The following C16orf74 variants were observed in gnomAD, a reference collection of about 807,000 sequenced individuals.
The protein encoded by C16orf74 is calcimembrin, also known as uncharacterized protein C16orf74.
C16orf74 carries 10 observed loss-of-function variants against 6.5 expected under a neutral mutation model. The observed-to-expected ratio is 1.54, with a 90% CI of 0.95 to 2.61. The LOEUF is 2.61. C16orf74 is among the 30% of genes most tolerant of loss of function. The probability of loss-of-function intolerance (pLI) is 0.00; values close to 1 mark genes in which losing one functional copy is unlikely to be tolerated. For synonymous variants in C16orf74, 60 were observed against 42.5 expected (o/e 1.41, Z -1.60); for missense variants, 141 against 105.9 (o/e 1.33, Z -1.45).
chr16:85,729,030 C>T (rs1423783744), intron 2 of C16orf74, among the ~76,000 whole-genome samples: 5 of 152,228 alleles, frequency 3.3e-5, no homozygotes, highest in Non-Finnish European at 7.3e-5. Context: ...TCCCGGACCC[C>T]ACTGAGAACC....
Position 85,710,321 on chromosome 16 carries a change from C to T in C16orf74, c.29-14G>A, listed in dbSNP as rs1487269012. ...ACATTTGAAAGCCTGAGAAGCCAGG[C>T]GTGGAGCACACACGCACGTACACAC... On this transcript the variant is annotated splice_polypyrimidine_tract_variant and intron_variant, in intron 2 of 3. Coordinates refer to ENST00000284245, the MANE Select transcript of C16orf74 (RefSeq NM_206967.3). The T allele has an allele frequency of 1.2e-5, 18 of 1,490,946 alleles. No homozygotes were observed. Among genetic ancestry groups the T allele is most frequent in the African/African-American group, 2.9e-5 (2 of 68,500 alleles). The allele number at this position is 1,490,946 out of a possible 1,614,324, so 92.4% of individuals were successfully genotyped here.
chr16:85,743,841 C>T (rs1006878617), intron 1 of C16orf74, among the ~76,000 whole-genome samples: 3 of 152,060 alleles, frequency 2.0e-5, no homozygotes, highest in African/African-American at 4.8e-5. Flanking sequence ...ATCACGAGAT[C>T]AGGAGATCGA....
chr16:85,726,652 C>T (rs1392500217), intron 2 of C16orf74, among the ~76,000 whole-genome samples: 1 of 152,174 alleles, frequency 6.6e-6, no homozygotes, highest in Non-Finnish European at 1.5e-5. Flanking sequence ...CATGTGATCT[C>T]CCTTCAAATG....
chr16:85,708,168 C>T (rs910718573), intron 3 of C16orf74, 102 bp from the exon 4 acceptor site: 11 of 972,374 alleles, frequency 1.1e-5, no homozygotes, highest in African/African-American at 1.6e-5. Flanking sequence ...GGATTCCTTG[C>T]TTTCTGGTGC....
intron 1 of C16orf74, chr16:85,741,576 G>C (rs1002988853): frequency 1.8e-5 from 3 of 170,344 alleles, no homozygotes; most frequent in African/African-American, 7.2e-5. Flanking sequence ...CACGTGGAGA[G>C]TTTTCACACA....
At chr16:85,715,103 G>A (rs2054010110) in intron 2 of C16orf74, among the ~76,000 whole-genome samples, 1 of 150,024 alleles carries the variant, frequency 6.7e-6, no homozygotes, top group African/African-American at 2.5e-5. Flanking sequence ...CTTGCAGTGA[G>A]CCGAGATCAC....
intron 2 of C16orf74, among the ~76,000 whole-genome samples, chr16:85,732,207 C>T (rs979123632): frequency 7.2e-5 from 11 of 152,184 alleles, no homozygotes; most frequent in African/African-American, 2.2e-4. Context: ...CCAGAAGAAA[C>T]GAGGCCCTGC....
chr16:85,721,323 G>C (rs898520956), intron 2 of C16orf74, among the ~76,000 whole-genome samples: 4 of 151,324 alleles, frequency 2.6e-5, no homozygotes, highest in African/African-American at 9.7e-5. Flanking sequence ...GTCATTCTCT[G>C]CGGTGGGGCT....
intron 1 of C16orf74, among the ~76,000 whole-genome samples, chr16:85,746,310 A>G (rs1486545088): frequency 6.6e-6 from 1 of 152,072 alleles, no homozygotes; most frequent in Non-Finnish European, 1.5e-5. Context: ...AGATCGCGCC[A>G]CTGCACTCAA....
At position 85,708,030 on chromosome 16, in the gene C16orf74, CCAT is replaced by C; in HGVS notation, c.206_208del (p.Asp69del). On this transcript the variant is annotated inframe_deletion, in exon 4 of 4. Transcript: ENST00000284245. ...TCCTCAGGCTTCTGGGTCGATTTCT[CCAT>C]CATCTGGGCACGACCCTGTCTCATC... is the stretch of plus-strand genomic sequence containing the variant. 6.4e-7 allele frequency: 1 copy of C among 1,553,534 alleles called. No individual in the cohort carries two copies. The highest frequency in any genetic ancestry group is 8.7e-7 in the Non-Finnish European group (1 of 1,147,958).
chr16:85,735,040 T>G (rs1567810104), intron 2 of C16orf74, 150 bp downstream of exon 2: 2 of 518,904 alleles, frequency 3.9e-6, no homozygotes, highest in African/African-American at 2.0e-5. Flanking sequence ...ACAAGCATTT[T>G]TAGAGCACCT....
chr16:85,708,104 GC>G, intron 3 of C16orf74, 38 bp from the exon 4 acceptor site: 2 of 1,508,464 alleles, frequency 1.3e-6, no homozygotes, highest in Non-Finnish European at 9.0e-7. Context: ...GATGCACCCT[GC>G]CCCCACCACA....
intron 1 of C16orf74, among the ~76,000 whole-genome samples, chr16:85,736,644 C>G (rs191012382): frequency 4.6e-5 from 7 of 152,140 alleles, no homozygotes; most frequent in African/African-American, 1.7e-4. Context: ...TTCCAACTTA[C>G]GAGTGGTCTC....
At position 85,726,015 on chromosome 16, in the gene C16orf74, G is replaced by A. The variant is rs182935506; in HGVS notation, c.28+9175C>T. ...TGCCTCCTCGCTGCTCACCAGCTCA[G>A]TGTGCTTGGTCCTGACTCAGGGCCT... is the stretch of plus-strand genomic sequence containing the variant. On this transcript the variant is annotated intron_variant, in intron 2 of 3. Coordinates refer to ENST00000284245, the MANE Select transcript of C16orf74 (RefSeq NM_206967.3). Among the ~76,000 whole-genome samples, 324 of 152,262 alleles carry A rather than the reference G, an allele frequency of 2.1e-3. 1 individual carries two copies. Among genetic ancestry groups the A allele is most frequent in the Non-Finnish European group, 2.7e-3 (183 of 68,018 alleles).
chr16:85,725,147 A>G (rs1432631725), intron 2 of C16orf74, among the ~76,000 whole-genome samples: 1 of 152,190 alleles, frequency 6.6e-6, no homozygotes, highest in Admixed American at 6.5e-5. Context: ...GCGAGATCAG[A>G]CGCCATCTGC....
intron 1 of C16orf74, among the ~76,000 whole-genome samples, chr16:85,741,211 G>T (rs957464277): frequency 2.6e-5 from 4 of 152,170 alleles, no homozygotes; most frequent in Non-Finnish European, 5.9e-5. Context: ...CCTGCTAGCA[G>T]CTTCTACAGC....
intron 2 of C16orf74, among the ~76,000 whole-genome samples, chr16:85,727,502 G>T (rs1013484851): frequency 6.6e-6 from 1 of 152,170 alleles, no homozygotes; most frequent in Non-Finnish European, 1.5e-5. Flanking sequence ...GGAATCACGT[G>T]GACATTCATT....
rs2053954049 is a variant in C16orf74 at position 85,710,145 on chromosome 16, G to A, written c.172+19C>T. The A allele has an allele frequency of 2.1e-6, 3 of 1,406,748 alleles. No homozygotes were observed. Among genetic ancestry groups the A allele is most frequent in the Non-Finnish European group, 2.8e-6 (3 of 1,084,136 alleles). The allele number at this position is 1,406,748 out of a possible 1,614,324, so 87.1% of individuals were successfully genotyped here. A position where few individuals can be genotyped will look rare whatever the true frequency, so the allele number is the denominator to read the frequency against. ...CCCCCACAGCCGACCCGGCTTGGCG[G>A]TGGAGGGGACGGCCTCACCTGTGCT... On this transcript the variant is annotated intron_variant, in intron 3 of 3. Coordinates refer to ENST00000284245, the MANE Select transcript of C16orf74 (RefSeq NM_206967.3).
At position 85,729,140 on chromosome 16, in the gene C16orf74, C is replaced by T. The variant is rs182062383; in HGVS notation, c.28+6050G>A. Among the ~76,000 whole-genome samples, 217 of 152,340 alleles carry T rather than the reference C, an allele frequency of 1.4e-3. 1 individual carries two copies. Among genetic ancestry groups the T allele is most frequent in the African/African-American group, 4.9e-3 (203 of 41,578 alleles). ...GGAGACGACTCCCCCTTTCCCCTTCCGTCTGTGGAGCCAACCCCTCCTAAC... is the reference window on the plus strand; with the variant it reads ...GGAGACGACTCCCCCTTTCCCCTTCTGTCTGTGGAGCCAACCCCTCCTAAC... On this transcript the variant is annotated intron_variant, in intron 2 of 3. Coordinates refer to ENST00000284245, the MANE Select transcript of C16orf74 (RefSeq NM_206967.3).
Sources: allele counts gnomAD v4.1 joint callset (sites outside exome capture counted in the v4.1 genomes callset), GRCh38; gene constraint gnomAD v4.1.1; transcripts MANE v1.5; gene names NCBI Gene and HGNC (gene_info 2026-07-23, HGNC 2026-07-21).